Variants in PIAS1 observed in about 807,000 individuals in gnomAD.
PIAS1 encodes protein inhibitor of activated STAT 1.
Under a neutral mutation model 71.3 loss-of-function variants are expected in PIAS1, and 6 were observed. The observed-to-expected ratio is 0.08, with a 90% confidence interval of 0.05 to 0.17. PIAS1 has a LOEUF of 0.17. PIAS1 is among the 10% of genes least tolerant of loss of function. PIAS1 has a pLI of 1.00. For missense variants in PIAS1, 555 were observed against 793.6 expected (o/e 0.70, Z 3.61); for synonymous variants, 303 against 292.9 (o/e 1.03, Z -0.35).
chr15:68,058,665 T>G (rs1348708322), intron 1 of PIAS1, among the ~76,000 whole-genome samples: 1 of 152,234 alleles, frequency 6.6e-6, no homozygotes, highest in Non-Finnish European at 1.5e-5. Context: ...GCAAAAAGTT[T>G]GGAGTTTGTT....
rs966066583 is a variant in PIAS1, at chr15:68,062,593, A to T, written c.24+8243A>T. 3.9e-5 allele frequency among the ~76,000 whole-genome samples: 6 copies of T among 152,194 alleles called. No homozygotes were observed. The South Asian group carries it at 1.2e-3, about 32-fold the overall frequency. ...ATTTTGAGTCTCTGTAGACTTGCCT[A>T]TTTTGGGCATTTAATATAAATGGAA... On this transcript the variant is annotated intron_variant, in intron 1 of 13. Transcript: ENST00000249636.
In PIAS1 at chr15:68,176,490, A is replaced by T; in HGVS notation, c.1317A>T (p.Thr439=). ...YNGVDGCLSS[T]LEHQVASHHQ... ...CCCATATAGGATGCTTGAGCTCCAC[A>T]TTGGAGCATCAGGTAGCGTCTCACC... is the stretch of plus-strand genomic sequence containing the variant. The change falls in exon 11 of 14, where the codon ACA becomes ACT. Residue 439 remains threonine, a synonymous_variant. Coordinates refer to ENST00000249636, the MANE Select transcript of PIAS1 (RefSeq NM_016166.3). The T allele has an allele frequency of 6.2e-7, 1 of 1,603,174 alleles. No individual in the cohort carries two copies. Among genetic ancestry groups the T allele is most frequent in the Non-Finnish European group, 8.5e-7 (1 of 1,175,800 alleles).
chr15:68,056,568 T>TTTGAA (rs1203325482), intron 1 of PIAS1, among the ~76,000 whole-genome samples: 7 of 152,178 alleles, frequency 4.6e-5, no homozygotes, highest in Admixed American at 4.6e-4. Flanking sequence ...CAAATTATAA[T>TTTGAA]AACTGTTTTG....
chr15:68,178,747 T>G lies in PIAS1; in HGVS notation c.1481+2093T>G, dbSNP rs2093035111. On this transcript the variant is annotated intron_variant, in intron 11 of 13. Coordinates refer to ENST00000249636, the MANE Select transcript of PIAS1 (RefSeq NM_016166.3). This position sits in a 1 kb window ranked among gnomAD's most constrained non-coding sequence, Gnocchi z 4.2. Reference sequence around the variant, plus strand: ...TTTGTTCTGTTCTTTAGACTATTAATAGTAATATGTATTTATGTAAACTAT... The same window carrying G: ...TTTGTTCTGTTCTTTAGACTATTAAGAGTAATATGTATTTATGTAAACTAT... 6.6e-6 allele frequency among the ~76,000 whole-genome samples: 1 copy of G among 152,146 alleles called. No individual in the cohort carries two copies. The highest frequency in any genetic ancestry group is 1.5e-5 in the Non-Finnish European group (1 of 68,020).
chr15:68,093,010 A>G (rs986222507), intron 2 of PIAS1, among the ~76,000 whole-genome samples: 12 of 152,172 alleles, frequency 7.9e-5, no homozygotes, highest in African/African-American at 2.4e-4. Context: ...TTATTTGCCA[A>G]TCTTTTGATG....
At chr15:68,155,216 A>G (rs910076263) in intron 7 of PIAS1, among the ~76,000 whole-genome samples, 3 of 152,184 alleles carry the variant, frequency 2.0e-5, no homozygotes, top group African/African-American at 7.2e-5. Context: ...AGAAACCACT[A>G]TTAGCTACCA....
chr15:68,078,855 A>C (rs367827048), intron 1 of PIAS1, among the ~76,000 whole-genome samples: 1 of 152,190 alleles, frequency 6.6e-6, no homozygotes, highest in Non-Finnish European at 1.5e-5. Flanking sequence ...TAGTCTGTCA[A>C]CCCATGTAAA....
Position 68,142,298 on chromosome 15 carries a change from C to A in PIAS1, c.563C>A (p.Ser188Tyr). Residue 188 changes from serine to tyrosine, a missense_variant, in exon 4 of 14, where the codon TCT (serine) becomes TAT (tyrosine). This residue lies in a region of PIAS1 where 134 missense variants were observed against 203.4 expected (regional missense o/e 0.66). Coordinates refer to ENST00000249636, the MANE Select transcript of PIAS1 (RefSeq NM_016166.3). ...TATTCTGTCTCTTCTAGGGATATTT[C>A]TGGGACCAAATGTGACTTCACAGTA... ...VQQISSSMDI[S>Y]GTKCDFTVQV... The A allele has an allele frequency of 6.2e-7, 1 of 1,604,968 alleles. No individual in the cohort carries two copies. The highest frequency in any genetic ancestry group is 8.5e-7 in the Non-Finnish European group (1 of 1,172,374).
In PIAS1 at chr15:68,193,276, G is replaced by C. The variant is rs919751681; in HGVS notation, c.*5441G>C. ...CAGTCAATTTAGCAGCTCACATCTG[G>C]TTTCCTTTGGTGTGGGGTGTAAAGT... On this transcript the variant is annotated 3_prime_UTR_variant, in exon 14 of 14. Coordinates refer to ENST00000249636, the MANE Select transcript of PIAS1 (RefSeq NM_016166.3). 3 of 152,234 alleles carry C rather than the reference G, an allele frequency of 2.0e-5. No homozygotes were observed. The highest frequency in any genetic ancestry group is 4.4e-5 in the Non-Finnish European group (3 of 68,088). The allele number at this position is 152,234 out of a possible 1,614,324, so 9.4% of individuals were successfully genotyped here.
intron 1 of PIAS1, chr15:68,055,081 C>A: frequency 8.3e-6 from 3 of 361,962 alleles, no homozygotes; most frequent in Non-Finnish European, 1.2e-5. Context: ...AGGGGAGAAA[C>A]CCCCTCGAAG....
In PIAS1 at chr15:68,086,492, A is replaced by T. The variant is rs780507259; in HGVS notation, c.211A>T (p.Thr71Ser). The T allele has an allele frequency of 3.1e-6, 5 of 1,613,852 alleles. No individual in the cohort carries two copies. In the African/African-American group the frequency reaches 6.7e-5, roughly 22 times the overall value. The change falls in exon 2 of 14, where the codon ACG becomes TCG. Residue 71 changes from threonine to serine, a missense_variant. Thr to Ser is a moderately conservative substitution (Grantham distance 58, BLOSUM62 1). This residue lies in a region of PIAS1 where 80 missense variants were observed against 66.9 expected (regional missense o/e 1.20). Coordinates refer to ENST00000249636, the MANE Select transcript of PIAS1 (RefSeq NM_016166.3). This position sits in a 1 kb window ranked among gnomAD's most constrained non-coding sequence, Gnocchi z 7.2. ...GCGGCGGTTCCCACAGAAAATCATG[A>T]CGCCTGCAGACTTGTCCATCCCCAA... is the stretch of plus-strand genomic sequence containing the variant. Reference protein sequence around the residue: ...YRRRFPQKIMTPADLSIPNVH... With the variant: ...YRRRFPQKIMSPADLSIPNVH...
chr15:68,187,703 T>G lies in PIAS1; in HGVS notation c.1824T>G (p.Ser608Arg). The change falls in exon 14 of 14, where the codon AGT becomes AGG. Residue 608 changes from serine (S) to arginine (R), a missense_variant. Ser to Arg is a moderately radical substitution (Grantham distance 110, BLOSUM62 -1). Around this residue, in one of 5 missense-constraint regions of PIAS1, gnomAD observed 244 missense variants for 307.5 expected, o/e 0.79. Transcript: ENST00000249636. The surrounding 1 kb of genome is among the most constrained non-coding windows in gnomAD (Gnocchi z 5.3). The part of the protein sequence containing the change: ...STSLPTTNGS[S>R]SGSNSSLVSS... ...CTCTGCCAACCACCAATGGAAGCAGTAGTGGCAGTAACAGCAGCCTGGTTT... is the reference window on the plus strand; with the variant it reads ...CTCTGCCAACCACCAATGGAAGCAGGAGTGGCAGTAACAGCAGCCTGGTTT... The G allele has an allele frequency of 6.2e-7, 1 of 1,613,972 alleles. No individual in the cohort carries two copies. The highest frequency in any genetic ancestry group is 1.3e-5 in the African/African-American group (1 of 75,034).
chr15:68,075,177 C>A (rs12914713), intron 1 of PIAS1, among the ~76,000 whole-genome samples: 70,681 of 148,356 alleles, frequency 0.48, 17,719 homozygotes, highest in Middle Eastern at 0.56. Flanking sequence ...CTCCGCCCCC[C>A]CAGGTTCAAG....
intron 6 of PIAS1, among the ~76,000 whole-genome samples, chr15:68,148,423 G>T (rs192588804): frequency 6.6e-5 from 10 of 151,932 alleles, no homozygotes; most frequent in African/African-American, 2.4e-4. Context: ...TAAAGTTAAG[G>T]ATTTTCTTTT....
chr15:68,146,667 G>A lies in PIAS1; in HGVS notation c.795G>A (p.Thr265=), dbSNP rs556086424. ...LVRLSTTVPN[T]IVVSWTAEIG... ...GACTGTCCACAACAGTACCAAACACGATTGTTGTTTCTTGGACTGCAGAAA... is the reference window on the plus strand; with the variant it reads ...GACTGTCCACAACAGTACCAAACACAATTGTTGTTTCTTGGACTGCAGAAA... Residue 265 remains threonine (T), a synonymous_variant, in exon 6 of 14, where the codon ACG becomes ACA. Transcript: ENST00000249636. 4.3e-5 allele frequency: 70 copies of A among 1,612,438 alleles called. No individual in the cohort carries two copies. In the South Asian group the frequency reaches 6.5e-4, roughly 15 times the overall value.
At chr15:68,158,445 A>C in intron 7 of PIAS1, among the ~76,000 whole-genome samples, 1 of 152,118 alleles carries the variant, frequency 6.6e-6, no homozygotes, top group Middle Eastern at 3.4e-3. Flanking sequence ...GAACCCCCAA[A>C]ATTGATGAGT....
intron 1 of PIAS1, among the ~76,000 whole-genome samples, chr15:68,081,559 A>G (rs751236761): frequency 1.3e-5 from 2 of 152,202 alleles, no homozygotes; most frequent in African/African-American, 2.4e-5. Context: ...TATATTCTCA[A>G]AAAAGAAAAA....
chr15:68,114,206 G>A (rs546553926), intron 2 of PIAS1, among the ~76,000 whole-genome samples: 2 of 151,794 alleles, frequency 1.3e-5, no homozygotes, highest in Non-Finnish European at 2.9e-5. Context: ...ATCTTTCAAC[G>A]CATAATATGT....
At chr15:68,111,484 A>G (rs1240949470) in intron 2 of PIAS1, among the ~76,000 whole-genome samples, 1 of 152,214 alleles carries the variant, frequency 6.6e-6, no homozygotes, top group Non-Finnish European at 1.5e-5. Flanking sequence ...TAAAAGTGAA[A>G]TTACTAATTA....
Sources: allele counts gnomAD v4.1 joint callset (sites outside exome capture counted in the v4.1 genomes callset), GRCh38; gene constraint gnomAD v4.1.1; regional missense constraint gnomAD v4.1.1; non-coding constraint Gnocchi (gnomAD v3.1); transcripts MANE v1.5; gene names NCBI Gene and HGNC (gene_info 2026-07-23, HGNC 2026-07-21).